Variants in CTNNA3 observed in about 807,000 individuals in gnomAD.
CTNNA3 encodes catenin alpha-3.
Under a neutral mutation model 95.7 loss-of-function variants are expected in CTNNA3, and 76 were observed. The observed-to-expected ratio is 0.79, with a 90% CI of 0.66 to 0.96. CTNNA3 has a LOEUF of 0.96. Ranked by LOEUF, CTNNA3 falls within the 40% of genes least tolerant of loss-of-function variation. The pLI, the probability that CTNNA3 is intolerant of heterozygous loss-of-function variation, is 0.00. For missense variants in CTNNA3, 1,191 were observed against 1,089.8 expected, an observed-to-expected ratio of 1.09 and a Z score of -1.31; for synonymous variants, 431 against 374.4, an observed-to-expected ratio of 1.15 and a Z score of -1.74.
intron 9 of CTNNA3, among the ~76,000 whole-genome samples, chr10:66,763,809 T>C (rs994062561): frequency 1.3e-5 from 2 of 152,142 alleles, no homozygotes; most frequent in African/African-American, 4.8e-5. Context: ...GATGCACCAG[T>C]CGACAACCAC....
At chr10:66,797,493 TG>T (rs1490268831) in intron 7 of CTNNA3, among the ~76,000 whole-genome samples, 1 of 151,878 alleles carries the variant, frequency 6.6e-6, no homozygotes, top group Admixed American at 6.6e-5. Context: ...TGCTTTCCAA[TG>T]GTTTAACCAA....
At chr10:67,244,089 G>A (rs1865817206) in intron 5 of CTNNA3, among the ~76,000 whole-genome samples, 1 of 152,120 alleles carries the variant, frequency 6.6e-6, no homozygotes. Context: ...TTTTGTAAAA[G>A]GAAATCACAA....
At chr10:66,750,115 T>C (rs1302540433) in intron 9 of CTNNA3, among the ~76,000 whole-genome samples, 1 of 152,200 alleles carries the variant, frequency 6.6e-6, no homozygotes, top group Admixed American at 6.5e-5. Flanking sequence ...ATGATAATAG[T>C]CTTTTATGGA....
At chr10:67,549,403 TG>T (rs752917456) in intron 3 of CTNNA3, among the ~76,000 whole-genome samples, 9 of 152,218 alleles carry the variant, frequency 5.9e-5, no homozygotes, top group Non-Finnish European at 1.3e-4. Flanking sequence ...CGGAAATCCC[TG>T]GAGACCCCAT....
chr10:67,185,865 C>T (rs1241307789), intron 6 of CTNNA3, among the ~76,000 whole-genome samples: 2 of 151,678 alleles, frequency 1.3e-5, no homozygotes, highest in African/African-American at 2.4e-5. Context: ...ACTAAAAATA[C>T]AAAAATTAGC....
At chr10:67,439,884 T>C (rs186438259) in intron 5 of CTNNA3, among the ~76,000 whole-genome samples, 1 of 152,286 alleles carries the variant, frequency 6.6e-6, no homozygotes, top group Admixed American at 6.5e-5. Flanking sequence ...ATGCTGGCTT[T>C]AGGGGAGATG....
At chr10:67,512,144 C>T (rs1333091152) in intron 5 of CTNNA3, among the ~76,000 whole-genome samples, 1 of 152,046 alleles carries the variant, frequency 6.6e-6, no homozygotes, top group Non-Finnish European at 1.5e-5. Context: ...CACTAATCAT[C>T]AGAGTAATGC....
intron 2 of CTNNA3, among the ~76,000 whole-genome samples, chr10:67,617,500 T>C (rs1843692215): frequency 6.6e-6 from 1 of 152,212 alleles, no homozygotes; most frequent in Non-Finnish European, 1.5e-5. Context: ...TTATCCTGTC[T>C]ACCACTGATG....
intron 9 of CTNNA3, among the ~76,000 whole-genome samples, chr10:66,756,691 A>G (rs1839372525): frequency 2.0e-5 from 3 of 152,196 alleles, no homozygotes; most frequent in African/African-American, 7.2e-5. Context: ...ATCCACTTCA[A>G]TTCACCTCCT....
At position 66,951,485 on chromosome 10, in the gene CTNNA3, A is replaced by G. The variant is rs115436024; in HGVS notation, c.1048-175961T>C. ...AATAATGTGTCCCCTAACGTATTTA[A>G]TTCTTACGACAAATCTATGAGATAG... On this transcript the variant is annotated intron_variant, in intron 7 of 17. Coordinates refer to ENST00000433211, the MANE Select transcript of CTNNA3 (RefSeq NM_013266.4). Among the ~76,000 whole-genome samples, 145 of 152,314 alleles carry G rather than the reference A, an allele frequency of 9.5e-4. 1 individual carries two copies. Among genetic ancestry groups the G allele is most frequent in the African/African-American group, 3.1e-3 (129 of 41,570 alleles).
intron 13 of CTNNA3, among the ~76,000 whole-genome samples, chr10:66,119,025 A>G (rs2082457519): frequency 6.6e-6 from 1 of 152,174 alleles, no homozygotes; most frequent in Non-Finnish European, 1.5e-5. Context: ...TACAGGGGTG[A>G]GCCACCATGC....
intron 5 of CTNNA3, among the ~76,000 whole-genome samples, chr10:67,252,849 C>T (rs962073494): frequency 1.3e-5 from 2 of 152,158 alleles, no homozygotes; most frequent in African/African-American, 4.8e-5. Context: ...CTTTCACCAA[C>T]AAATTTAATG....
At chr10:66,832,895 T>C (rs1341590883) in intron 7 of CTNNA3, among the ~76,000 whole-genome samples, 3 of 152,196 alleles carry the variant, frequency 2.0e-5, no homozygotes, top group Non-Finnish European at 4.4e-5. Flanking sequence ...TATTTTTCTA[T>C]TCAGAAATTT....
intron 15 of CTNNA3, among the ~76,000 whole-genome samples, chr10:66,018,383 G>A (rs562725387): frequency 6.6e-5 from 10 of 152,074 alleles, no homozygotes; most frequent in Non-Finnish European, 1.3e-4. Flanking sequence ...CAAACTTCGT[G>A]ACATACAAAC....
At chr10:66,035,087 C>T (rs1475944487) in intron 15 of CTNNA3, among the ~76,000 whole-genome samples, 1 of 152,048 alleles carries the variant, frequency 6.6e-6, no homozygotes, top group Non-Finnish European at 1.5e-5. Flanking sequence ...AAATATTTTT[C>T]CTTCCTTTGC....
intron 9 of CTNNA3, among the ~76,000 whole-genome samples, chr10:66,724,397 A>G (rs1564641119): frequency 6.6e-6 from 1 of 152,208 alleles, no homozygotes; most frequent in East Asian, 1.9e-4. Context: ...CTTTATGCCC[A>G]CAGGGAATAC....
At chr10:66,220,291 A>G (rs144489586) in intron 13 of CTNNA3, among the ~76,000 whole-genome samples, 1 of 152,204 alleles carries the variant, frequency 6.6e-6, no homozygotes, top group Non-Finnish European at 1.5e-5. Context: ...CTGTGATTAT[A>G]ATTTGTAGAA....
intron 15 of CTNNA3, among the ~76,000 whole-genome samples, chr10:66,050,699 A>G (rs2079933669): frequency 6.6e-6 from 1 of 152,088 alleles, no homozygotes; most frequent in Non-Finnish European, 1.5e-5. Flanking sequence ...ACTGTGCCCT[A>G]CATTCCATAT....
chr10:67,744,977 T>C (rs1841366057), intron 1 of CTNNA3, among the ~76,000 whole-genome samples: 1 of 152,006 alleles, frequency 6.6e-6, no homozygotes, highest in Non-Finnish European at 1.5e-5. Context: ...TCACACCAGT[T>C]AGAATGGTGA....
Sources: allele counts gnomAD v4.1 joint callset (sites outside exome capture counted in the v4.1 genomes callset), GRCh38; gene constraint gnomAD v4.1.1; transcripts MANE v1.5; gene names NCBI Gene and HGNC (gene_info 2026-07-23, HGNC 2026-07-21).